The following NEXMIF variants were observed in gnomAD, a reference collection of about 807,000 sequenced individuals.
NEXMIF encodes XLMR protein related to neurite extension.
A neutral mutation model predicts 62.1 loss-of-function variants in NEXMIF; 8 were observed. That is an observed-to-expected ratio of 0.13 (90% CI 0.08 to 0.23). The LOEUF (loss-of-function observed/expected upper bound fraction) is 0.23. Among genes scored for constraint, NEXMIF ranks in the 10% least tolerant of loss-of-function variants. NEXMIF has a pLI of 1.00. For synonymous variants in NEXMIF, 404 were observed against 416.6 expected, an observed-to-expected ratio of 0.97 and a Z score of 0.37; for missense variants, 976 against 1,113.3, an observed-to-expected ratio of 0.88 and a Z score of 1.75.
rs926146869 is a variant in NEXMIF at position 74,832,483 on chromosome X, T to C, written c.-47-86786A>G. Among the ~76,000 whole-genome samples, 6 of 111,689 alleles carry C rather than the reference T, an allele frequency of 5.4e-5. No homozygotes were observed. In the Admixed American group the frequency reaches 5.7e-4, roughly 11 times the overall value. ...ATCTCTGATTTTATTTATTTGGACT[T>C]TCTCTCTTTTTTTATTAGTTAGTCT... On this transcript the variant is annotated intron_variant, in intron 1 of 3. Coordinates refer to ENST00000055682, the MANE Select transcript of NEXMIF (RefSeq NM_001008537.3).
intron 1 of NEXMIF, among the ~76,000 whole-genome samples, chrX:74,749,327 T>C (rs756570240): frequency 9.9e-5 from 11 of 110,802 alleles, no homozygotes; most frequent in African/African-American, 1.3e-4. Flanking sequence ...CATGAAATGC[T>C]ACAAGTCTCC....
In NEXMIF at chrX:74,795,198, T is replaced by C. The variant is rs142999645; in HGVS notation, c.-47-49501A>G. ...ACTTCTAGGTATTTACCCAAGTGAA[T>C]TGAAAATTTACATCCACACAAAAAC... is the stretch of plus-strand genomic sequence containing the variant. On this transcript the variant is annotated intron_variant, in intron 1 of 3. Transcript: ENST00000055682. Among the ~76,000 whole-genome samples the C allele has an allele frequency of 8.8e-3, 984 of 112,333 alleles. 14 individuals carry two copies. Among genetic ancestry groups the C allele is most frequent in the African/African-American group, 0.03 (935 of 30,978 alleles).
rs2080080151 is a variant in NEXMIF at position 74,734,419 on chromosome X, T to A, written c.*4986A>T. Reference sequence around the variant, plus strand: ...AGATTTCTACTCTCCTCACTGGGAGTGAAAAACAAAAGGCCTCTTCTAGTT... The same window carrying A: ...AGATTTCTACTCTCCTCACTGGGAGAGAAAAACAAAAGGCCTCTTCTAGTT... On this transcript the variant is annotated 3_prime_UTR_variant, in exon 4 of 4. Transcript: ENST00000055682. The A allele has an allele frequency of 8.9e-6, 1 of 112,094 alleles. No individual in the cohort carries two copies. Among genetic ancestry groups the A allele is most frequent in the South Asian group, 3.8e-4 (1 of 2,659 alleles). The allele number at this position is 112,094 out of a possible 1,213,427, so 9.2% of individuals were successfully genotyped here.
At chrX:74,919,855 T>C (rs2080820526) in intron 1 of NEXMIF, among the ~76,000 whole-genome samples, 2 of 110,533 alleles carry the variant, frequency 1.8e-5, no homozygotes, top group Non-Finnish European at 3.8e-5. Flanking sequence ...AATTCCCACC[T>C]ATGAGTGAGA....
At chrX:74,789,520 T>G (rs1047852108) in intron 1 of NEXMIF, among the ~76,000 whole-genome samples, 14 of 111,088 alleles carry the variant, frequency 1.3e-4, no homozygotes, top group Non-Finnish European at 2.5e-4. Flanking sequence ...AAATGGTATT[T>G]CCAGTTCTAG....
intron 1 of NEXMIF, among the ~76,000 whole-genome samples, chrX:74,911,060 C>T (rs1020450863): frequency 8.9e-6 from 1 of 111,851 alleles, no homozygotes; most frequent in Non-Finnish European, 1.9e-5. Context: ...AGGTTCTCTT[C>T]TTAGATTTGT....
At chrX:74,794,843 A>G (rs1163478305) in intron 1 of NEXMIF, among the ~76,000 whole-genome samples, 1 of 111,707 alleles carries the variant, frequency 9.0e-6, no homozygotes, top group Non-Finnish European at 1.9e-5. Flanking sequence ...GCTCATGCAC[A>G]GTGCGCGCAC....
intron 1 of NEXMIF, among the ~76,000 whole-genome samples, chrX:74,784,199 G>T (rs901047191): frequency 5.4e-5 from 6 of 111,751 alleles, no homozygotes; most frequent in African/African-American, 2.0e-4. Flanking sequence ...ATTGGGACTT[G>T]CTCAGGGTTT....
intron 1 of NEXMIF, among the ~76,000 whole-genome samples, chrX:74,883,331 G>A (rs1327324520): frequency 9.0e-6 from 1 of 111,599 alleles, no homozygotes; most frequent in Non-Finnish European, 1.9e-5. Context: ...GAAGGCTTCA[G>A]AAGACCAAAC....
At chrX:74,827,443 A>C (rs2080422276) in intron 1 of NEXMIF, among the ~76,000 whole-genome samples, 1 of 111,846 alleles carries the variant, frequency 8.9e-6, no homozygotes, top group Non-Finnish European at 1.9e-5. Flanking sequence ...AGGTAGGGTA[A>C]ATAAGTATTC....
intron 1 of NEXMIF, among the ~76,000 whole-genome samples, chrX:74,759,298 A>G (rs2080168927): frequency 8.9e-6 from 1 of 112,062 alleles, no homozygotes. Context: ...ACCTTTGTCG[A>G]ATGCATAGTT....
chrX:74,830,769 TC>T (rs1234994062), intron 1 of NEXMIF, among the ~76,000 whole-genome samples: 2 of 111,902 alleles, frequency 1.8e-5, no homozygotes, highest in African/African-American at 6.5e-5. Flanking sequence ...ATCTTTCACT[TC>T]TTTGGTTAAA....
At chrX:74,831,171 C>A (rs2080435475) in intron 1 of NEXMIF, among the ~76,000 whole-genome samples, 1 of 110,154 alleles carries the variant, frequency 9.1e-6, no homozygotes, top group Non-Finnish European at 1.9e-5. Context: ...TATATTTTTC[C>A]AAATTTCCCA....
At chrX:74,875,911 G>T (rs1263736103) in intron 1 of NEXMIF, among the ~76,000 whole-genome samples, 2 of 110,736 alleles carry the variant, frequency 1.8e-5, no homozygotes, top group South Asian at 7.6e-4. Flanking sequence ...CTTGCTAGTG[G>T]TCTATCAATT....
At chrX:74,758,876 G>C (rs2080167473) in intron 1 of NEXMIF, among the ~76,000 whole-genome samples, 1 of 112,148 alleles carries the variant, frequency 8.9e-6, no homozygotes, top group Admixed American at 9.5e-5. Context: ...GTATGCATGT[G>C]TCTTTATAAC....
chrX:74,878,698 G>GT (rs1321241570), intron 1 of NEXMIF, among the ~76,000 whole-genome samples: 12 of 112,772 alleles, frequency 1.1e-4, no homozygotes, highest in Non-Finnish European at 2.3e-4. Context: ...CTGATGCGCC[G>GT]TTTTTTAAGC....
intron 1 of NEXMIF, among the ~76,000 whole-genome samples, chrX:74,863,064 C>T (rs938717199): frequency 4.6e-5 from 5 of 109,191 alleles, no homozygotes; most frequent in African/African-American, 1.7e-4. Flanking sequence ...CCCCCCTATT[C>T]GGGAGGCTGA....
chrX:74,752,003 C>T (rs1460899770), intron 1 of NEXMIF, among the ~76,000 whole-genome samples: 2 of 110,615 alleles, frequency 1.8e-5, no homozygotes, highest in Middle Eastern at 4.7e-3. Context: ...GGCGGGGTTT[C>T]GCCATGTTGG....
chrX:74,903,704 G>A (rs2080756764), intron 1 of NEXMIF, among the ~76,000 whole-genome samples: 1 of 111,565 alleles, frequency 9.0e-6, no homozygotes, highest in African/African-American at 3.3e-5. Flanking sequence ...CTTTTTTGCT[G>A]TGTGACTTTG....
Sources: gnomAD v4.1 joint callset for allele counts (sites outside exome capture counted in the v4.1 genomes callset) on GRCh38, gnomAD v4.1.1 for gene constraint, MANE v1.5 for transcripts, NCBI Gene and HGNC (gene_info 2026-07-23, HGNC 2026-07-21) for gene names.